Variants in KCNH1 observed in about 807,000 individuals in gnomAD.
KCNH1 encodes potassium voltage-gated channel subfamily H member 1.
A neutral mutation model predicts 69.2 loss-of-function variants in KCNH1; 27 were observed. The ratio of observed to expected loss-of-function variants is 0.39; its 90% CI spans 0.29 to 0.54. KCNH1 has a LOEUF of 0.54. Ranked by LOEUF, KCNH1 falls within the 20% of genes least tolerant of loss-of-function variation. KCNH1 has a pLI of 0.68. For missense variants in KCNH1, 798 were observed against 1,261.6 expected (o/e 0.63, Z 5.57); for synonymous variants, 456 against 487.7 (o/e 0.93, Z 0.86).
At chr1:210,895,203 T>C (rs1266085558) in intron 7 of KCNH1, among the ~76,000 whole-genome samples, 3 of 152,060 alleles carry the variant, frequency 2.0e-5, no homozygotes, top group Non-Finnish European at 2.9e-5. Context: ...TGGTCTTTGT[T>C]ATATAACCTT....
chr1:210,847,139 AAAC>A (rs2102461531), intron 7 of KCNH1, among the ~76,000 whole-genome samples: 1 of 152,346 alleles, frequency 6.6e-6, no homozygotes, highest in African/African-American at 2.4e-5. Context: ...GTGGGACTGT[AAAC>A]TAGTTCAACC....
chr1:210,948,882 G>A lies in KCNH1; in HGVS notation c.1033-28813C>T, dbSNP rs145999500. 6.0e-5 allele frequency among the ~76,000 whole-genome samples: 9 copies of A among 150,794 alleles called. No individual in the cohort carries two copies. In the East Asian group the frequency reaches 7.8e-4, roughly 13 times the overall value. Reference sequence around the variant, plus strand: ...AATATCCAGATGAAGAAACATGCCCGGGTTATAACAAAACTTTATTTATGG... The same window carrying A: ...AATATCCAGATGAAGAAACATGCCCAGGTTATAACAAAACTTTATTTATGG... On this transcript the variant is annotated intron_variant, in intron 6 of 10. Coordinates refer to ENST00000271751, the MANE Select transcript of KCNH1 (RefSeq NM_172362.3).
chr1:210,866,475 A>G (rs931477357), intron 7 of KCNH1, among the ~76,000 whole-genome samples: 5 of 152,202 alleles, frequency 3.3e-5, no homozygotes, highest in Non-Finnish European at 7.4e-5. Flanking sequence ...CATTTCTCCA[A>G]AGAAGATATA....
chr1:210,970,727 G>A (rs1558547265), intron 6 of KCNH1, among the ~76,000 whole-genome samples: 1 of 152,046 alleles, frequency 6.6e-6, no homozygotes, highest in African/African-American at 2.4e-5. Context: ...ACGTAAGGGT[G>A]GGCAAAGATT....
At chr1:210,812,846 G>T (rs1300055676) in intron 7 of KCNH1, among the ~76,000 whole-genome samples, 1 of 152,182 alleles carries the variant, frequency 6.6e-6, no homozygotes, top group Non-Finnish European at 1.5e-5. Context: ...CCCTATAGGT[G>T]ACTTCTGCAC....
At chr1:210,859,196 C>T (rs886322411) in intron 7 of KCNH1, 1 of 1,603,472 alleles carries the variant, frequency 6.2e-7, no homozygotes. Flanking sequence ...TGGTACTGGG[C>T]CTCCAAAATT....
Position 210,708,527 on chromosome 1 carries a change from A to C in KCNH1, c.2113-24389T>G, listed in dbSNP as rs550499802. 2.6e-5 allele frequency among the ~76,000 whole-genome samples: 4 copies of C among 152,262 alleles called. No individual in the cohort carries two copies. The East Asian group carries it at 5.8e-4, about 22-fold the overall frequency. ...AACAGATTTTATAGTCATAGTCTCCATAAATTGACCCTATATAAACTTGCT... is the reference window on the plus strand; with the variant it reads ...AACAGATTTTATAGTCATAGTCTCCCTAAATTGACCCTATATAAACTTGCT... On this transcript the variant is annotated intron_variant, in intron 10 of 10. Coordinates refer to ENST00000271751, the MANE Select transcript of KCNH1 (RefSeq NM_172362.3).
chr1:210,820,997 G>T (rs1418973), intron 7 of KCNH1, among the ~76,000 whole-genome samples: 1 of 152,048 alleles, frequency 6.6e-6, no homozygotes, highest in Non-Finnish European at 1.5e-5. Flanking sequence ...CACCAAGTTC[G>T]TGTTAATCTA....
intron 6 of KCNH1, among the ~76,000 whole-genome samples, chr1:211,015,805 C>A (rs549830961): frequency 6.6e-6 from 1 of 152,278 alleles, no homozygotes; most frequent in South Asian, 2.1e-4. Context: ...ACCAAGAGAA[C>A]TAAAAGCCAA....
At chr1:211,028,921 G>A (rs1434663546) in intron 5 of KCNH1, among the ~76,000 whole-genome samples, 4 of 152,024 alleles carry the variant, frequency 2.6e-5, no homozygotes, top group Non-Finnish European at 5.9e-5. Flanking sequence ...TGAAACTAAT[G>A]TTACCCTGAT....
chr1:210,713,206 G>T (rs1682122082), intron 10 of KCNH1, among the ~76,000 whole-genome samples: 1 of 152,142 alleles, frequency 6.6e-6, no homozygotes, highest in Non-Finnish European at 1.5e-5. Context: ...AAGGACAGAA[G>T]GAAAATAAAG....
chr1:210,985,311 T>C (rs1571552409), intron 6 of KCNH1, among the ~76,000 whole-genome samples: 1 of 152,226 alleles, frequency 6.6e-6, no homozygotes, highest in East Asian at 1.9e-4. Context: ...TAGTTATTTC[T>C]TGCCTTCTGC....
At chr1:210,892,399 C>T (rs1359566034) in intron 7 of KCNH1, among the ~76,000 whole-genome samples, 1 of 152,028 alleles carries the variant, frequency 6.6e-6, no homozygotes, top group Admixed American at 6.6e-5. Flanking sequence ...TAAAATTGCA[C>T]CTCATTCCTT....
At chr1:211,081,899 T>G (rs1174581920) in intron 5 of KCNH1, among the ~76,000 whole-genome samples, 1 of 152,118 alleles carries the variant, frequency 6.6e-6, no homozygotes, top group Non-Finnish European at 1.5e-5. Flanking sequence ...CAAACCAACA[T>G]GGCACATGTA....
At chr1:210,777,665 G>T (rs1310271538) in intron 9 of KCNH1, among the ~76,000 whole-genome samples, 1 of 152,034 alleles carries the variant, frequency 6.6e-6, no homozygotes, top group East Asian at 1.9e-4. Flanking sequence ...TCCCTATACT[G>T]CCCACAATGG....
chr1:211,112,501 T>TA (rs74258707), intron 1 of KCNH1, among the ~76,000 whole-genome samples: 1,477 of 126,226 alleles, frequency 0.012, 6 homozygotes, highest in African/African-American at 0.019. Context: ...ATTAAATAAA[T>TA]AAAAAAAAAA....
intron 10 of KCNH1, among the ~76,000 whole-genome samples, chr1:210,713,508 A>T (rs1000775419): frequency 3.3e-5 from 5 of 152,224 alleles, no homozygotes; most frequent in Admixed American, 3.3e-4. Context: ...GATAAAACAG[A>T]CATCAAGATG....
intron 6 of KCNH1, among the ~76,000 whole-genome samples, chr1:210,954,179 G>T (rs572828654): frequency 6.6e-6 from 1 of 152,214 alleles, no homozygotes; most frequent in African/African-American, 2.4e-5. Flanking sequence ...CCTTGTGACA[G>T]TTTGCTCAGA....
intron 6 of KCNH1, among the ~76,000 whole-genome samples, chr1:210,946,391 C>A (rs1397376721): frequency 1.3e-5 from 2 of 152,154 alleles, no homozygotes; most frequent in Non-Finnish European, 2.9e-5. Flanking sequence ...GAGGCAAAAA[C>A]CACATTTCAG....
Sources: gnomAD v4.1 joint callset for allele counts (sites outside exome capture counted in the v4.1 genomes callset) on GRCh38, gnomAD v4.1.1 for gene constraint, MANE v1.5 for transcripts, NCBI Gene and HGNC (gene_info 2026-07-23, HGNC 2026-07-21) for gene names.